The following UVRAG variants were observed in gnomAD, a reference collection of about 807,000 sequenced individuals.
UVRAG encodes UV radiation resistance associated, also known as UV radiation resistance-associated gene protein.
In UVRAG, 19 loss-of-function variants were observed where a neutral mutation model predicts 78.0. That is an observed-to-expected ratio of 0.24 (90% CI 0.17 to 0.36). The LOEUF (loss-of-function observed/expected upper bound fraction) is 0.36. Ranked by LOEUF, UVRAG falls within the 10% of genes least tolerant of loss-of-function variation. UVRAG has a pLI of 1.00. For missense variants in UVRAG, 740 were observed against 853.8 expected, an observed-to-expected ratio of 0.87 and a Z score of 1.66; for synonymous variants, 323 against 324.6, an observed-to-expected ratio of 1.00 and a Z score of 0.05.
intron 7 of UVRAG, among the ~76,000 whole-genome samples, chr11:75,982,673 G>A (rs940899390): frequency 2.0e-5 from 3 of 152,102 alleles, no homozygotes; most frequent in African/African-American, 7.2e-5. Context: ...AGAGCACCTC[G>A]GTTTGGTTTG....
chr11:76,092,378 G>A (rs1357741961), intron 13 of UVRAG, among the ~76,000 whole-genome samples: 8 of 152,150 alleles, frequency 5.3e-5, no homozygotes, highest in African/African-American at 1.7e-4. Context: ...GGGTCAAATG[G>A]TATTTCTAGT....
At chr11:75,850,495 G>A (rs1273618942) in intron 1 of UVRAG, among the ~76,000 whole-genome samples, 2 of 152,282 alleles carry the variant, frequency 1.3e-5, no homozygotes, top group South Asian at 2.1e-4. Context: ...AGTAAGGATG[G>A]TATATAGAGA....
intron 1 of UVRAG, among the ~76,000 whole-genome samples, chr11:75,821,709 C>G (rs865972859): frequency 5.9e-5 from 9 of 152,204 alleles, no homozygotes; most frequent in African/African-American, 1.9e-4. Context: ...ATTTAGTTGT[C>G]CTGTCTCTTG....
At chr11:75,923,972 A>G in intron 6 of UVRAG, among the ~76,000 whole-genome samples, 1 of 152,160 alleles carries the variant, frequency 6.6e-6, no homozygotes, top group East Asian at 1.9e-4. Flanking sequence ...AACTTTTTTC[A>G]TGTAAACTAA....
chr11:76,113,204 A>T (rs958595246), intron 13 of UVRAG, among the ~76,000 whole-genome samples: 4 of 152,210 alleles, frequency 2.6e-5, no homozygotes, highest in Non-Finnish European at 5.9e-5. Context: ...GTAAATATTG[A>T]TTTAATTTAA....
intron 1 of UVRAG, among the ~76,000 whole-genome samples, chr11:75,835,028 C>T (rs1339733254): frequency 1.3e-5 from 2 of 152,060 alleles, no homozygotes; most frequent in East Asian, 3.9e-4. Flanking sequence ...GAGCCATAAA[C>T]TATAACTGAT....
intron 6 of UVRAG, among the ~76,000 whole-genome samples, chr11:75,952,765 G>C (rs962257789): frequency 6.6e-6 from 1 of 151,468 alleles, no homozygotes; most frequent in African/African-American, 2.4e-5. Context: ...TATAGTGTTC[G>C]TGTCATGTTT....
At chr11:75,841,963 A>G (rs971378534) in intron 1 of UVRAG, among the ~76,000 whole-genome samples, 2 of 152,076 alleles carry the variant, frequency 1.3e-5, no homozygotes, top group Non-Finnish European at 2.9e-5. Context: ...TATTATCTTG[A>G]TGTCATTTCT....
At chr11:76,137,185 A>G (rs200911391) in intron 14 of UVRAG, 1 of 369,184 alleles carries the variant, frequency 2.7e-6, no homozygotes, top group South Asian at 2.0e-5. Context: ...CTTTGCACAC[A>G]ATTTTCAGGA....
At chr11:75,896,794 G>C (rs138876359) in intron 5 of UVRAG, among the ~76,000 whole-genome samples, 1 of 152,184 alleles carries the variant, frequency 6.6e-6, no homozygotes, top group African/African-American at 2.4e-5. Context: ...TCAACTTTTG[G>C]TATTTATTTT....
At chr11:75,920,552 C>T (rs1285462995) in intron 6 of UVRAG, among the ~76,000 whole-genome samples, 1 of 151,952 alleles carries the variant, frequency 6.6e-6, no homozygotes, top group Non-Finnish European at 1.5e-5. Flanking sequence ...TTCCCCTTTC[C>T]TTGTACTTTT....
intron 12 of UVRAG, among the ~76,000 whole-genome samples, chr11:76,024,217 C>T (rs940052200): frequency 2.6e-5 from 4 of 152,144 alleles, no homozygotes; most frequent in African/African-American, 9.7e-5. Context: ...AATATTCTTG[C>T]TCCAGATCAG....
At chr11:75,815,594 G>A in intron 1 of UVRAG, 70 bp downstream of exon 1, 7 of 1,017,616 alleles carry the variant, frequency 6.9e-6, no homozygotes, top group Admixed American at 4.3e-5. Context: ...TGCTGGCTCC[G>A]GGCTGACCCC....
At chr11:76,001,980 G>A (rs1324744625) in intron 8 of UVRAG, among the ~76,000 whole-genome samples, 1 of 152,172 alleles carries the variant, frequency 6.6e-6, no homozygotes, top group Non-Finnish European at 1.5e-5. Context: ...ATTCTAGGGA[G>A]AAATTTATAT....
intron 12 of UVRAG, among the ~76,000 whole-genome samples, chr11:76,061,424 C>A (rs910099233): frequency 7.2e-5 from 11 of 152,250 alleles, no homozygotes; most frequent in Admixed American, 6.5e-4. Context: ...CGCTGGGGTC[C>A]CCTTCCACTC....
At chr11:75,921,465 G>T (rs1470187390) in intron 6 of UVRAG, among the ~76,000 whole-genome samples, 4 of 151,962 alleles carry the variant, frequency 2.6e-5, no homozygotes, top group Non-Finnish European at 5.9e-5. Flanking sequence ...AGAGTACTTG[G>T]TATTTTTTTC....
chr11:75,832,157 A>G (rs1222963987), intron 1 of UVRAG, among the ~76,000 whole-genome samples: 2 of 152,154 alleles, frequency 1.3e-5, no homozygotes, highest in Non-Finnish European at 2.9e-5. Context: ...CTGACAACAA[A>G]TATGTTGGGT....
At chr11:76,086,370 C>A (rs1387042629) in intron 13 of UVRAG, among the ~76,000 whole-genome samples, 1 of 152,144 alleles carries the variant, frequency 6.6e-6, no homozygotes, top group East Asian at 1.9e-4. Context: ...GACAGGGAGA[C>A]ATGAATCCAG....
intron 6 of UVRAG, among the ~76,000 whole-genome samples, chr11:75,924,508 C>T (rs952175187): frequency 1.4e-4 from 21 of 152,008 alleles, no homozygotes; most frequent in African/African-American, 5.1e-4. Flanking sequence ...GCCTCAGCCT[C>T]CCAAGTAGCT....
Sources: allele counts gnomAD v4.1 joint callset (sites outside exome capture counted in the v4.1 genomes callset), GRCh38; gene constraint gnomAD v4.1.1; transcripts MANE v1.5; gene names NCBI Gene and HGNC (gene_info 2026-07-23, HGNC 2026-07-21).